Variants in STIM1 observed in about 807,000 individuals in gnomAD.
The protein encoded by STIM1 is stromal interaction molecule 1.
Under a neutral mutation model 74.7 loss-of-function variants are expected in STIM1, and 25 were observed. The observed-to-expected ratio is 0.33, with a 90% CI of 0.24 to 0.47. STIM1 has a LOEUF of 0.47. Among genes scored for constraint, STIM1 ranks in the 20% least tolerant of loss-of-function variants. STIM1 has a pLI of 1.00. For missense variants in STIM1, 728 were observed against 920.8 expected (o/e 0.79, Z 2.71); for synonymous variants, 328 against 348.8 (o/e 0.94, Z 0.66).
chr11:4,035,523 G>A (rs758037080), intron 3 of STIM1, among the ~76,000 whole-genome samples: 3 of 151,286 alleles, frequency 2.0e-5, no homozygotes, highest in Non-Finnish European at 2.9e-5. Context: ...TGGATGAAAT[G>A]TTGTGCTTTT....
intron 1 of STIM1, among the ~76,000 whole-genome samples, chr11:3,865,778 A>C (rs2090831791): frequency 6.6e-6 from 1 of 152,192 alleles, no homozygotes; most frequent in Non-Finnish European, 1.5e-5. Context: ...TAAATGTATT[A>C]AAAACTTTGT....
chr11:3,919,638 G>A (rs1018718607), intron 1 of STIM1, among the ~76,000 whole-genome samples: 15 of 152,170 alleles, frequency 9.9e-5, no homozygotes, highest in Admixed American at 7.2e-4. Flanking sequence ...CTAAGCATTT[G>A]GCAGGGGCTC....
At chr11:3,933,359 A>G (rs542027633) in intron 1 of STIM1, among the ~76,000 whole-genome samples, 4 of 152,316 alleles carry the variant, frequency 2.6e-5, no homozygotes, top group African/African-American at 7.2e-5. Context: ...ATTTCATTTA[A>G]TACTCCCTGT....
intron 1 of STIM1, among the ~76,000 whole-genome samples, chr11:3,863,739 A>C (rs549248339): frequency 6.6e-6 from 1 of 152,258 alleles, no homozygotes; most frequent in African/African-American, 2.4e-5. Flanking sequence ...GTCACTTAGT[A>C]GCCATCTTAG....
chr11:3,882,671 A>G (rs1023312586), intron 1 of STIM1, among the ~76,000 whole-genome samples: 1 of 152,208 alleles, frequency 6.6e-6, no homozygotes, highest in Non-Finnish European at 1.5e-5. Flanking sequence ...GTACATACCT[A>G]GGAGTGGAAT....
intron 1 of STIM1, among the ~76,000 whole-genome samples, chr11:3,898,887 G>A (rs1370746830): frequency 1.3e-5 from 2 of 151,524 alleles, no homozygotes; most frequent in Admixed American, 6.6e-5. Flanking sequence ...CTCTGTTTTG[G>A]TACCAGTACC....
At chr11:4,030,100 G>A (rs1424922177) in intron 3 of STIM1, among the ~76,000 whole-genome samples, 2 of 152,060 alleles carry the variant, frequency 1.3e-5, no homozygotes, top group South Asian at 2.1e-4. Context: ...AGGCTGAGGC[G>A]GGTGGATCAC....
intron 3 of STIM1, among the ~76,000 whole-genome samples, chr11:4,031,056 G>A (rs1039074879): frequency 2.6e-5 from 4 of 152,114 alleles, no homozygotes; most frequent in Non-Finnish European, 5.9e-5. Context: ...GTCCTTTGTA[G>A]TCTCTGCTCC....
intron 1 of STIM1, among the ~76,000 whole-genome samples, chr11:3,871,292 G>T: frequency 6.6e-6 from 1 of 152,190 alleles, no homozygotes; most frequent in East Asian, 1.9e-4. Flanking sequence ...TATGCTTGGT[G>T]AGAACTTCCT....
intron 3 of STIM1, among the ~76,000 whole-genome samples, chr11:4,052,970 A>T (rs1036848262): frequency 1.3e-5 from 2 of 152,256 alleles, no homozygotes; most frequent in African/African-American, 4.8e-5. Flanking sequence ...GCCAACAGAC[A>T]CATGGAAAAA....
intron 1 of STIM1, among the ~76,000 whole-genome samples, chr11:3,936,524 A>C (rs2135582321): frequency 1.3e-5 from 2 of 152,306 alleles, no homozygotes; most frequent in Admixed American, 1.3e-4. Flanking sequence ...TGCAAAGAAT[A>C]GGGTAGACTA....
In STIM1 at chr11:4,092,892, G is replaced by A. The variant is rs2094532144; in HGVS notation, c.*1094G>A. On this transcript the variant is annotated 3_prime_UTR_variant, in exon 13 of 13. Coordinates refer to ENST00000526596, the MANE Select transcript of STIM1 (RefSeq NM_001382567.1). The stretch of plus-strand genomic sequence containing the variant: ...AAAAGGACACAACCAGTTTGGGGAA[G>A]GGGTGGCTAAGGAAGATGGTATAGG... The A allele has an allele frequency of 6.6e-6, 1 of 152,306 alleles. No individual in the cohort carries two copies. Among genetic ancestry groups the A allele is most frequent in the Non-Finnish European group, 1.5e-5 (1 of 68,070 alleles). The allele number at this position is 152,306 out of a possible 1,614,324, so 9.4% of individuals were successfully genotyped here.
chr11:4,052,324 C>T (rs1325618668), intron 3 of STIM1, among the ~76,000 whole-genome samples: 1 of 152,144 alleles, frequency 6.6e-6, no homozygotes, highest in Admixed American at 6.5e-5. Flanking sequence ...ATCATGCTAC[C>T]TGACTTCAAA....
chr11:3,961,088 A>G (rs1246514768), intron 1 of STIM1, among the ~76,000 whole-genome samples: 9 of 151,726 alleles, frequency 5.9e-5, no homozygotes, highest in Admixed American at 5.3e-4. Context: ...TTGCAGCTTC[A>G]ACATCCTGCA....
At chr11:3,899,340 T>C (rs2092280886) in intron 1 of STIM1, among the ~76,000 whole-genome samples, 2 of 152,212 alleles carry the variant, frequency 1.3e-5, no homozygotes, top group Admixed American at 1.3e-4. Flanking sequence ...TGTATAAGAA[T>C]GCTTGTGATT....
chr11:4,090,887 G>A (rs1314454182), intron 12 of STIM1, among the ~76,000 whole-genome samples: 1 of 152,176 alleles, frequency 6.6e-6, no homozygotes, highest in African/African-American at 2.4e-5. Flanking sequence ...ATGGTATGAT[G>A]ACATTTGTTT....
At chr11:3,933,698 G>C (rs10835324) in intron 1 of STIM1, among the ~76,000 whole-genome samples, 53,945 of 151,890 alleles carry the variant, frequency 0.36, 9,821 homozygotes, top group South Asian at 0.49. Context: ...TCTCTTCCCC[G>C]CCGCCCGCCG....
intron 2 of STIM1, among the ~76,000 whole-genome samples, chr11:4,013,311 T>C (rs1231733065): frequency 4.6e-5 from 7 of 152,168 alleles, no homozygotes; most frequent in African/African-American, 1.7e-4. Flanking sequence ...CCAGCTCCTC[T>C]TTGTACCTGT....
intron 1 of STIM1, chr11:3,903,351 G>A (rs2092395680): frequency 6.6e-6 from 1 of 152,168 alleles, no homozygotes. Flanking sequence ...TGTGATGCAG[G>A]GCAATTTCCC....
Sources: allele counts gnomAD v4.1 joint callset (sites outside exome capture counted in the v4.1 genomes callset), GRCh38; gene constraint gnomAD v4.1.1; transcripts MANE v1.5; gene names NCBI Gene and HGNC (gene_info 2026-07-23, HGNC 2026-07-21).